The following ANKRD17 variants were observed in gnomAD, a reference collection of about 807,000 sequenced individuals.
ANKRD17 encodes the protein ankyrin repeat domain-containing protein 17.
A neutral mutation model predicts 229.7 loss-of-function variants in ANKRD17; 19 were observed. The ratio of observed to expected loss-of-function variants is 0.08; its 90% CI spans 0.06 to 0.12. The LOEUF (loss-of-function observed/expected upper bound fraction) is 0.12, where lower values mean the gene tolerates loss of function less well. ANKRD17 is among the 10% of genes least tolerant of loss of function. The pLI is 1.00. For synonymous variants in ANKRD17, 1,112 were observed against 1,146.1 expected (o/e 0.97, Z 0.60); for missense variants, 2,176 against 3,176.8 (o/e 0.68, Z 7.57).
chr4:73,153,514 G>A (rs941393251), intron 6 of ANKRD17, among the ~76,000 whole-genome samples: 17 of 151,956 alleles, frequency 1.1e-4, no homozygotes, highest in Admixed American at 3.3e-4. Flanking sequence ...CCAAAGGAGG[G>A]CATTTTCTGT....
At chr4:73,198,597 A>G (rs962958498) in intron 1 of ANKRD17, among the ~76,000 whole-genome samples, 5 of 152,212 alleles carry the variant, frequency 3.3e-5, no homozygotes, top group Non-Finnish European at 7.4e-5. Context: ...GTCATGACTC[A>G]ACATTACTAT....
chr4:73,129,512 G>T (rs1727907936), intron 16 of ANKRD17, among the ~76,000 whole-genome samples: 1 of 152,072 alleles, frequency 6.6e-6, no homozygotes, highest in Admixed American at 6.5e-5. Flanking sequence ...GATCACTTGA[G>T]GCCAGAAGTT....
chr4:73,203,445 G>A (rs1578378768), intron 1 of ANKRD17, among the ~76,000 whole-genome samples: 1 of 151,994 alleles, frequency 6.6e-6, no homozygotes, highest in Admixed American at 6.6e-5. Context: ...GAGAGAAGGA[G>A]GGTAGAAAAA....
At chr4:73,098,920 TCTGGTGAGTTCCGGGACAGCA>T in intron 25 of ANKRD17, 1 of 1,051,954 alleles carries the variant, frequency 9.5e-7, no homozygotes, top group South Asian at 1.3e-5. Context: ...GCAAGCAGCC[TCTGGTGAGTTCCGGGACAGCA>T]CTGGTAGGGA....
chr4:73,153,790 TTTA>T, intron 6 of ANKRD17, 87 bp downstream of exon 6: 1 of 962,586 alleles, frequency 1.0e-6, no homozygotes. Flanking sequence ...CTATCATTGT[TTTA>T]TTTTTTAACT....
chr4:73,127,339 T>C (rs894369899), intron 16 of ANKRD17, among the ~76,000 whole-genome samples: 3 of 152,240 alleles, frequency 2.0e-5, no homozygotes, highest in African/African-American at 7.2e-5. Flanking sequence ...GGTGTATTGA[T>C]TGCATGACAT....
chr4:73,078,954 C>A, intron 30 of ANKRD17, 64 bp from the exon 31 acceptor site: 1 of 1,482,966 alleles, frequency 6.7e-7, no homozygotes, highest in Non-Finnish European at 9.1e-7. Context: ...TTTATAAAAC[C>A]AAATCTTAAA....
At chr4:73,109,463 T>C (rs1162274212) in intron 24 of ANKRD17, among the ~76,000 whole-genome samples, 2 of 152,054 alleles carry the variant, frequency 1.3e-5, no homozygotes, top group African/African-American at 4.8e-5. Context: ...GGTGGGCAGA[T>C]AGATGGTGTA....
At chr4:73,207,946 T>C (rs1466624296) in intron 1 of ANKRD17, among the ~76,000 whole-genome samples, 1 of 152,146 alleles carries the variant, frequency 6.6e-6, no homozygotes, top group East Asian at 1.9e-4. Context: ...CCCAGCACTT[T>C]GGGAGGCCGA....
chr4:73,092,892 C>T (rs1162429525), intron 28 of ANKRD17, among the ~76,000 whole-genome samples: 1 of 152,050 alleles, frequency 6.6e-6, no homozygotes, highest in Non-Finnish European at 1.5e-5. Context: ...TGCAGGAATC[C>T]TGATAGTGCC....
chr4:73,140,202 T>A lies in ANKRD17; in HGVS notation c.2414A>T (p.Glu805Val). 1.2e-6 allele frequency: 2 copies of A among 1,613,986 alleles called. No homozygotes were observed. The highest frequency in any genetic ancestry group is 1.7e-6 in the Non-Finnish European group (2 of 1,180,006). ...TCCCTGAGCCTCTTCTACAATGCTC[T>A]CTGGAGACTGATTGGTGATGTAACC... ...VQGYITNQSP[E>V]SIVEEAQGKL... The change falls in exon 15 of 34, where the codon GAG becomes GTG. Residue 805 changes from glutamate to valine, a missense_variant. Physicochemically the swap from Glu to Val is moderately radical, Grantham distance 121. Coordinates refer to ENST00000358602, the MANE Select transcript of ANKRD17 (RefSeq NM_032217.5).
At chr4:73,153,441 T>A (rs1483330593) in intron 6 of ANKRD17, among the ~76,000 whole-genome samples, 1 of 152,200 alleles carries the variant, frequency 6.6e-6, no homozygotes, top group African/African-American at 2.4e-5. Context: ...GTTTTAACAA[T>A]CTAGAATATA....
intron 1 of ANKRD17, among the ~76,000 whole-genome samples, chr4:73,186,965 T>TAC (rs34337120): frequency 0.27 from 40,749 of 151,442 alleles, 7,371 homozygotes; most frequent in African/African-American, 0.52. Context: ...CACACACAGA[T>TAC]ACACACACAC....
rs1389244676 is a variant in ANKRD17, at chr4:73,075,968, A to G, written c.*263T>C. The G allele has an allele frequency of 3.1e-6, 1 of 320,882 alleles. No individual in the cohort carries two copies. The highest frequency in any genetic ancestry group is 5.7e-6 in the Non-Finnish European group (1 of 175,326). 19.9% of individuals were successfully genotyped at this position (320,882 alleles called of 1,614,324 possible). ...CAGCCAAAGAACAGCTTCAACAGAAAGTTATGTCCAAAGGGGAAGAGGGAA... is the reference window on the plus strand; with the variant it reads ...CAGCCAAAGAACAGCTTCAACAGAAGGTTATGTCCAAAGGGGAAGAGGGAA... On this transcript the variant is annotated 3_prime_UTR_variant, in exon 34 of 34. Coordinates refer to ENST00000358602, the MANE Select transcript of ANKRD17 (RefSeq NM_032217.5).
chr4:73,077,519 A>G lies in ANKRD17; in HGVS notation c.7423T>C (p.Cys2475Arg). The G allele has an allele frequency of 6.2e-7, 1 of 1,602,322 alleles. No individual in the cohort carries two copies. The highest frequency in any genetic ancestry group is 8.5e-7 in the Non-Finnish European group (1 of 1,175,606). The change falls in exon 32 of 34, where the codon TGT becomes CGT. Residue 2475 changes from cysteine to arginine, a missense_variant. Transcript: ENST00000358602. ...ATAGGATTTCCCATCCCAGGGTTACACCAGTCTACTTTGTCTGAGGGCAAA... is the reference window on the plus strand; with the variant it reads ...ATAGGATTTCCCATCCCAGGGTTACGCCAGTCTACTTTGTCTGAGGGCAAA... ...IGGNQDKVDW[C>R]NPGMGNPMIH...
rs778700954 is a variant in ANKRD17, at chr4:73,092,152, T to C, written c.5476A>G (p.Thr1826Ala). The C allele has an allele frequency of 1.9e-6, 3 of 1,614,088 alleles. No homozygotes were observed. The highest frequency in any genetic ancestry group is 3.3e-5 in the Admixed American group (2 of 60,004). Reference protein sequence around the residue: ...SKIGSSAPTTTAANTSLMGIK... With the variant: ...SKIGSSAPTTAAANTSLMGIK... ...CCCATTAAGGAAGTGTTAGCAGCAG[T>C]GGTGGTAGGTGCTGATGACCCTATT... The change falls in exon 29 of 34, where the codon ACT becomes GCT. Residue 1826 changes from threonine (T) to alanine (A), a missense_variant. By Grantham distance (58) the Thr-to-Ala change is moderately conservative. Transcript: ENST00000358602.
intron 16 of ANKRD17, among the ~76,000 whole-genome samples, chr4:73,130,192 T>A (rs181970375): frequency 2.0e-5 from 3 of 152,180 alleles, no homozygotes; most frequent in East Asian, 3.8e-4. Context: ...TCAGGTTACA[T>A]GTAAGCTTAA....
At chr4:73,223,025 C>A in intron 1 of ANKRD17, 1 of 1,536,130 alleles carries the variant, frequency 6.5e-7, no homozygotes, top group Non-Finnish European at 8.7e-7. Context: ...CTGTCTCCAC[C>A]ATGTTTTATC....
chr4:73,258,527 C>T lies in ANKRD17; in HGVS notation c.142G>A (p.Ala48Thr), dbSNP rs1279177231. 1 of 1,535,946 alleles carries T rather than the reference C, an allele frequency of 6.5e-7. No homozygotes were observed. The highest frequency in any genetic ancestry group is 2.3e-4 in the Middle Eastern group (1 of 4,436). Reference sequence around the variant, plus strand: ...CGCACCATCCCACGAGGAGACGAGGCCGAGCGAGCTCTGCTGCTGCCGCCA... The same window carrying T: ...CGCACCATCCCACGAGGAGACGAGGTCGAGCGAGCTCTGCTGCTGCCGCCA... ...GVGGSSRARS[A>T]SSPRGMVRVC... The change falls in exon 1 of 34, where the codon GCC (alanine) becomes ACC (threonine). Residue 48 changes from alanine to threonine, a missense_variant. By Grantham distance (58) the Ala-to-Thr change is moderately conservative. Coordinates refer to ENST00000358602, the MANE Select transcript of ANKRD17 (RefSeq NM_032217.5).
Sources: gnomAD v4.1 joint callset for allele counts (sites outside exome capture counted in the v4.1 genomes callset) on GRCh38, gnomAD v4.1.1 for gene constraint, MANE v1.5 for transcripts, NCBI Gene and HGNC (gene_info 2026-07-23, HGNC 2026-07-21) for gene names.